ARHGAP10: variants seen among roughly 807,000 people sequenced by gnomAD.
The protein encoded by ARHGAP10 is Rho GTPase activating protein 10.
A neutral mutation model predicts 108.6 loss-of-function variants in ARHGAP10; 87 were observed. The observed-to-expected ratio is 0.80, with a 90% confidence interval of 0.67 to 0.96. The LOEUF is 0.96. Ranked by LOEUF, ARHGAP10 falls within the 40% of genes least tolerant of loss-of-function variation. The probability of loss-of-function intolerance (pLI) is 0.00; values close to 1 mark genes in which losing one functional copy is unlikely to be tolerated. For missense variants in ARHGAP10, 939 were observed against 954.5 expected (o/e 0.98, Z 0.21); for synonymous variants, 347 against 341.1 (o/e 1.02, Z -0.19).
At chr4:148,021,237 G>T (rs1741556840) in intron 18 of ARHGAP10, among the ~76,000 whole-genome samples, 1 of 152,082 alleles carries the variant, frequency 6.6e-6, no homozygotes, top group Non-Finnish European at 1.5e-5. Flanking sequence ...GTCTGGCTCT[G>T]CAGTTTGGGG....
intron 19 of ARHGAP10, among the ~76,000 whole-genome samples, chr4:148,036,375 T>G (rs1728378529): frequency 6.6e-6 from 1 of 152,338 alleles, no homozygotes; most frequent in South Asian, 2.1e-4. Context: ...AGATCTCATC[T>G]TGAATTGTAG....
intron 15 of ARHGAP10, among the ~76,000 whole-genome samples, chr4:147,950,313 T>G (rs1199409143): frequency 6.6e-6 from 1 of 152,198 alleles, no homozygotes; most frequent in Non-Finnish European, 1.5e-5. Flanking sequence ...TGGGTTTTTA[T>G]CTACCTCCAT....
intron 10 of ARHGAP10, among the ~76,000 whole-genome samples, chr4:147,887,560 T>C (rs1158875665): frequency 2.0e-5 from 3 of 152,126 alleles, no homozygotes; most frequent in Non-Finnish European, 4.4e-5. Context: ...ATCATATTTA[T>C]GGTCTCACAT....
chr4:147,776,691 C>T (rs555497658), intron 1 of ARHGAP10, among the ~76,000 whole-genome samples: 19 of 152,094 alleles, frequency 1.2e-4, no homozygotes, highest in African/African-American at 4.8e-5. Context: ...TTTCCTTGCC[C>T]ATGTGACTTG....
chr4:147,905,972 G>A (rs1736470996), intron 10 of ARHGAP10, among the ~76,000 whole-genome samples: 1 of 152,112 alleles, frequency 6.6e-6, no homozygotes, highest in African/African-American at 2.4e-5. Context: ...TGGATTTCTA[G>A]GTATTTTATT....
chr4:147,832,646 C>CAAAAAAAAAAAAAAAA (rs776184630), intron 3 of ARHGAP10, among the ~76,000 whole-genome samples: 3 of 63,534 alleles, frequency 4.7e-5, no homozygotes, highest in African/African-American at 1.1e-4. Context: ...GACTCTGTCT[C>CAAAAAAAAAAAAAAAA]AAAAAAAAAA....
At chr4:147,987,413 A>T (rs987377874) in intron 18 of ARHGAP10, among the ~76,000 whole-genome samples, 5 of 152,180 alleles carry the variant, frequency 3.3e-5, no homozygotes, top group African/African-American at 1.2e-4. Flanking sequence ...ACGCATAGCC[A>T]CTTCCTCTTT....
intron 1 of ARHGAP10, among the ~76,000 whole-genome samples, chr4:147,764,697 G>A (rs1002869780): frequency 2.6e-5 from 4 of 151,900 alleles, no homozygotes; most frequent in Non-Finnish European, 5.9e-5. Flanking sequence ...ACCATGCCCA[G>A]CTGACTTTTG....
intron 7 of ARHGAP10, among the ~76,000 whole-genome samples, chr4:147,870,928 C>CTGTGTGTGTG (rs57348496): frequency 4.1e-4 from 57 of 139,154 alleles, no homozygotes; most frequent in African/African-American, 1.0e-3. Flanking sequence ...AAACTACAGA[C>CTGTGTGTGTG]TGTGTGTGTG....
chr4:148,061,407 C>T (rs1449702837), intron 20 of ARHGAP10, among the ~76,000 whole-genome samples: 1 of 152,134 alleles, frequency 6.6e-6, no homozygotes, highest in Non-Finnish European at 1.5e-5. Context: ...GCTTCACTCA[C>T]GCCTACCTGT....
intron 1 of ARHGAP10, among the ~76,000 whole-genome samples, chr4:147,781,747 G>A (rs1210660378): frequency 6.9e-6 from 1 of 145,354 alleles, no homozygotes; most frequent in African/African-American, 2.6e-5. Flanking sequence ...GCGCAATCTC[G>A]GCTTAGTTTT....
chr4:147,840,743 T>C (rs1477016332), intron 3 of ARHGAP10, among the ~76,000 whole-genome samples: 1 of 152,236 alleles, frequency 6.6e-6, no homozygotes, highest in Non-Finnish European at 1.5e-5. Context: ...TCCTGTAGAT[T>C]GCTTATCCCA....
intron 10 of ARHGAP10, among the ~76,000 whole-genome samples, chr4:147,891,342 C>T (rs148627872): frequency 1.9e-4 from 29 of 152,192 alleles, no homozygotes; most frequent in Non-Finnish European, 3.5e-4. Flanking sequence ...GTGAAAGAAG[C>T]CAGTCATAAA....
chr4:148,035,403 T>G (rs1239666423), intron 19 of ARHGAP10, among the ~76,000 whole-genome samples: 1 of 152,238 alleles, frequency 6.6e-6, no homozygotes. Context: ...GTTTTGTTTC[T>G]GTGCTTTTGG....
chr4:147,808,700 A>G (rs180740736), intron 1 of ARHGAP10, among the ~76,000 whole-genome samples: 3 of 152,114 alleles, frequency 2.0e-5, no homozygotes, highest in Admixed American at 1.3e-4. Flanking sequence ...TTGTCATAGA[A>G]TGATTTCTTG....
At position 147,803,999 on chromosome 4, in the gene ARHGAP10, T is replaced by G. The variant is rs536641040; in HGVS notation, c.155-18728T>G. Among the ~76,000 whole-genome samples, 17 of 152,130 alleles carry G rather than the reference T, an allele frequency of 1.1e-4. No individual in the cohort carries two copies. In the East Asian group the frequency reaches 1.7e-3, roughly 16 times the overall value. On this transcript the variant is annotated intron_variant, in intron 1 of 22. Transcript: ENST00000336498. Reference sequence around the variant, plus strand: ...ATATGGTAGTTGTATTTTTAGTTTTTTTTTTTTTTTTCTTTCAGGTTCAGG... The same window carrying G: ...ATATGGTAGTTGTATTTTTAGTTTTGTTTTTTTTTTTCTTTCAGGTTCAGG...
At chr4:147,907,409 A>G (rs948671433) in intron 11 of ARHGAP10, among the ~76,000 whole-genome samples, 2 of 152,200 alleles carry the variant, frequency 1.3e-5, no homozygotes, top group African/African-American at 4.8e-5. Flanking sequence ...AATAAACTCT[A>G]CTTAAAGTAT....
At chr4:147,800,202 C>A (rs1484846267) in intron 1 of ARHGAP10, among the ~76,000 whole-genome samples, 2 of 152,132 alleles carry the variant, frequency 1.3e-5, no homozygotes, top group Non-Finnish European at 2.9e-5. Context: ...AGTCTCAGGA[C>A]CCTGGAGACT....
intron 1 of ARHGAP10, among the ~76,000 whole-genome samples, chr4:147,784,817 AAAT>A (rs1560756945): frequency 1.2e-4 from 3 of 25,092 alleles, no homozygotes; most frequent in African/African-American, 1.8e-4. Context: ...ATATATTATA[AAAT>A]ATATATTATA....
Sources: allele counts gnomAD v4.1 joint callset (sites outside exome capture counted in the v4.1 genomes callset), GRCh38; gene constraint gnomAD v4.1.1; transcripts MANE v1.5; gene names NCBI Gene and HGNC (gene_info 2026-07-23, HGNC 2026-07-21).